Variants in RBMS1 observed in about 807,000 individuals in gnomAD.
The protein encoded by RBMS1 is RNA-binding motif, single-stranded-interacting protein 1.
Under a neutral mutation model 62.3 loss-of-function variants are expected in RBMS1, and 17 were observed. The ratio of observed to expected loss-of-function variants is 0.27; its 90% CI spans 0.19 to 0.41. The LOEUF (loss-of-function observed/expected upper bound fraction) is 0.41, where lower values mean the gene tolerates loss of function less well. Ranked by LOEUF, RBMS1 falls within the 10% of genes least tolerant of loss-of-function variation. The pLI, the probability that RBMS1 is intolerant of heterozygous loss-of-function variation, is 1.00. For synonymous variants in RBMS1, 172 were observed against 170.0 expected (o/e 1.01, Z -0.09); for missense variants, 334 against 504.5 (o/e 0.66, Z 3.24).
intron 7 of RBMS1, among the ~76,000 whole-genome samples, chr2:160,286,522 G>A (rs1025631455): frequency 7.9e-5 from 12 of 151,996 alleles, no homozygotes; most frequent in Non-Finnish European, 5.9e-5. Context: ...GTTTCGCCAT[G>A]TTGGCCAGGC....
chr2:160,398,215 T>G (rs1434700189), intron 1 of RBMS1, among the ~76,000 whole-genome samples: 1 of 152,218 alleles, frequency 6.6e-6, no homozygotes, highest in African/African-American at 2.4e-5. Flanking sequence ...CTGAATACTC[T>G]AAACCACTCA....
At chr2:160,387,628 G>C (rs1694653181) in intron 1 of RBMS1, among the ~76,000 whole-genome samples, 1 of 152,018 alleles carries the variant, frequency 6.6e-6, no homozygotes, top group African/African-American at 2.4e-5. Context: ...GTGAGGAAAA[G>C]GGTCAACAAA....
intron 2 of RBMS1, among the ~76,000 whole-genome samples, chr2:160,326,951 G>A (rs1263372044): frequency 6.6e-6 from 1 of 152,196 alleles, no homozygotes; most frequent in East Asian, 1.9e-4. Context: ...TTTCTGAACT[G>A]TCCTGGAAAG....
chr2:160,390,323 T>C (rs1345236515), intron 1 of RBMS1, among the ~76,000 whole-genome samples: 8 of 152,116 alleles, frequency 5.3e-5, no homozygotes, highest in Non-Finnish European at 1.2e-4. Context: ...AACTTGAAGA[T>C]AGGACGCTGT....
At chr2:160,435,850 G>T (rs933351947) in intron 1 of RBMS1, among the ~76,000 whole-genome samples, 1 of 152,192 alleles carries the variant, frequency 6.6e-6, no homozygotes. Context: ...TAATGACTTA[G>T]AGTGTGTAAC....
intron 1 of RBMS1, among the ~76,000 whole-genome samples, chr2:160,439,278 AG>A (rs1683284242): frequency 1.5e-5 from 2 of 132,278 alleles, no homozygotes; most frequent in African/African-American, 6.0e-5. Context: ...GCTGGGCGGA[AG>A]GGCTCCTCAC....
Position 160,274,459 on chromosome 2 carries a change from C to CTTTTT in RBMS1, c.*308_*312dup, listed in dbSNP as rs769012240. On this transcript the variant is annotated 3_prime_UTR_variant, in exon 14 of 14. Transcript: ENST00000348849. ...ACCCAGAAAATTGAAGTTTTCTTTTCTTTTTTTTTTTCTTTTTCTTTTTTT... is the reference window on the plus strand; with the variant it reads ...ACCCAGAAAATTGAAGTTTTCTTTTCTTTTTTTTTTTTTTTTCTTTTTCTTTTTTT... 1 of 133,310 alleles carries CTTTTT rather than the reference C, an allele frequency of 7.5e-6. No homozygotes were observed. Among genetic ancestry groups the CTTTTT allele is most frequent in the Non-Finnish European group, 1.7e-5 (1 of 60,404 alleles). 8.3% of individuals were successfully genotyped at this position (133,310 alleles called of 1,614,324 possible). A position where few individuals can be genotyped will look rare whatever the true frequency, so the allele number is the denominator to read the frequency against.
At chr2:160,409,833 G>T (rs569004384) in intron 1 of RBMS1, among the ~76,000 whole-genome samples, 22 of 152,246 alleles carry the variant, frequency 1.4e-4, no homozygotes, top group Non-Finnish European at 2.9e-4. Context: ...ATAGTTTTAT[G>T]GGGATAAGAA....
At chr2:160,480,238 T>C (rs1685310392) in intron 1 of RBMS1, among the ~76,000 whole-genome samples, 1 of 152,104 alleles carries the variant, frequency 6.6e-6, no homozygotes, top group Middle Eastern at 3.4e-3. Context: ...CAACATCAAA[T>C]AAACAAAGCC....
intron 4 of RBMS1, among the ~76,000 whole-genome samples, chr2:160,304,044 C>T (rs752512922): frequency 3.3e-5 from 5 of 151,882 alleles, no homozygotes; most frequent in Non-Finnish European, 5.9e-5. Flanking sequence ...ATAACAAAGC[C>T]GTATAAAATA....
intron 4 of RBMS1, among the ~76,000 whole-genome samples, chr2:160,305,957 A>G (rs2105955836): frequency 1.3e-5 from 2 of 152,244 alleles, no homozygotes; most frequent in South Asian, 4.1e-4. Flanking sequence ...CAACACAGTG[A>G]GACCTCATCT....
intron 10 of RBMS1, chr2:160,279,046 A>C: frequency 6.2e-6 from 1 of 161,964 alleles, no homozygotes; most frequent in Non-Finnish European, 1.4e-5. Context: ...TTTCTTAAAA[A>C]AAAATCTGGA....
chr2:160,368,048 A>G (rs1018734919), intron 1 of RBMS1, among the ~76,000 whole-genome samples: 7 of 152,192 alleles, frequency 4.6e-5, no homozygotes, highest in East Asian at 1.9e-4. Flanking sequence ...CTCAAAGTAA[A>G]GCCTGCAACC....
In RBMS1 at chr2:160,284,875, C is replaced by A. The variant is rs377464089; in HGVS notation, c.807-7G>T. ...GTATGGTGAAGGATAAAATCTAGAACAAACACAAAAGCCTTTATTAAGTAA... is the reference window on the plus strand; with the variant it reads ...GTATGGTGAAGGATAAAATCTAGAAAAAACACAAAAGCCTTTATTAAGTAA... On this transcript the variant is annotated splice_polypyrimidine_tract_variant and splice_region_variant and intron_variant, in intron 8 of 13. Transcript: ENST00000348849. 1.4e-5 allele frequency: 23 copies of A among 1,592,530 alleles called. No individual in the cohort carries two copies. Among genetic ancestry groups the A allele is most frequent in the Non-Finnish European group, 2.0e-5 (23 of 1,162,232 alleles).
At chr2:160,287,767 G>A (rs1224431066) in intron 6 of RBMS1, among the ~76,000 whole-genome samples, 2 of 152,080 alleles carry the variant, frequency 1.3e-5, no homozygotes, top group Non-Finnish European at 2.9e-5. Context: ...TTATTTTTGG[G>A]ATACGTCAGT....
At chr2:160,389,698 CAAAAAAAAAAAAAAAA>C (rs61570926) in intron 1 of RBMS1, among the ~76,000 whole-genome samples, 100 of 50,392 alleles carry the variant, frequency 2.0e-3, no homozygotes, top group African/African-American at 7.4e-3. Context: ...ACTCTTGTCT[CAAAAAAAAAAAAAAAA>C]AAAAAAAAAA....
intron 1 of RBMS1, among the ~76,000 whole-genome samples, chr2:160,410,729 C>A (rs1695992634): frequency 6.6e-6 from 1 of 152,140 alleles, no homozygotes; most frequent in African/African-American, 2.4e-5. Flanking sequence ...TTTGGAAGAA[C>A]CTGTCCTAGA....
At chr2:160,281,208 A>T in intron 10 of RBMS1, 106 bp downstream of exon 10, 1 of 793,266 alleles carries the variant, frequency 1.3e-6, no homozygotes, top group Non-Finnish European at 1.9e-6. Flanking sequence ...TTCCATGTTT[A>T]AAATTTCCCA....
intron 1 of RBMS1, among the ~76,000 whole-genome samples, chr2:160,402,794 G>A (rs1695506958): frequency 6.6e-6 from 1 of 152,086 alleles, no homozygotes; most frequent in Non-Finnish European, 1.5e-5. Flanking sequence ...AGATGTCACT[G>A]CCTCAAAACT....
Sources: allele counts gnomAD v4.1 joint callset (sites outside exome capture counted in the v4.1 genomes callset), GRCh38; gene constraint gnomAD v4.1.1; transcripts MANE v1.5; gene names NCBI Gene and HGNC (gene_info 2026-07-23, HGNC 2026-07-21).